Variants in UNC5D observed in about 807,000 individuals in gnomAD.
UNC5D encodes netrin receptor UNC5D.
In UNC5D, 39 loss-of-function variants were observed where a neutral mutation model predicts 105.4. The observed-to-expected ratio is 0.37, with a 90% confidence interval of 0.29 to 0.48. The LOEUF is 0.48. Among genes scored for constraint, UNC5D ranks in the 20% least tolerant of loss-of-function variants. UNC5D has a pLI of 0.98. For missense variants in UNC5D, 991 were observed against 1,202.4 expected (o/e 0.82, Z 2.60); for synonymous variants, 452 against 450.4 (o/e 1.00, Z -0.04).
chr8:35,726,457 C>G lies in UNC5D; in HGVS notation c.1609C>G (p.Pro537Ala). The stretch of plus-strand genomic sequence containing the variant: ...CTACATCCAAAATCTGTCATCACTC[C>G]CCACAAGGACAGAACTGAGGACAAC... ...MPYIQNLSSL[P>A]TRTELRTTGV... Residue 537 changes from proline to alanine, a missense_variant, in exon 10 of 17, where the codon CCC becomes GCC. Pro to Ala is a conservative substitution (Grantham distance 27, BLOSUM62 -1). This residue lies in a region of UNC5D where 944 missense variants were observed against 1,131.6 expected (regional missense o/e 0.83). Coordinates refer to ENST00000404895, the MANE Select transcript of UNC5D (RefSeq NM_080872.4). 1 of 1,614,088 alleles carries G rather than the reference C, an allele frequency of 6.2e-7. No homozygotes were observed.
At chr8:35,319,118 TC>T (rs957979622) in intron 1 of UNC5D, among the ~76,000 whole-genome samples, 31 of 152,236 alleles carry the variant, frequency 2.0e-4, no homozygotes, top group African/African-American at 7.5e-4. Context: ...TGACAAGGCA[TC>T]TTTGAACTCA....
intron 1 of UNC5D, among the ~76,000 whole-genome samples, chr8:35,359,621 T>G (rs1801750439): frequency 6.6e-6 from 1 of 152,220 alleles, no homozygotes; most frequent in Non-Finnish European, 1.5e-5. Flanking sequence ...GAAATAAGGT[T>G]TCTCCTTTCT....
At position 35,357,247 on chromosome 8, in the gene UNC5D, C is replaced by T. The variant is rs968187136; in HGVS notation, c.103+121360C>T. Reference sequence around the variant, plus strand: ...CCTTTAATTAATGGCTTTGTTACCACGAGAAAAAAGTCAAATACCTGACAA... The same window carrying T: ...CCTTTAATTAATGGCTTTGTTACCATGAGAAAAAAGTCAAATACCTGACAA... On this transcript the variant is annotated intron_variant, in intron 1 of 16. Transcript: ENST00000404895. Among the ~76,000 whole-genome samples, 9 of 152,194 alleles carry T rather than the reference C, an allele frequency of 5.9e-5. No homozygotes were observed. The East Asian group carries it at 7.7e-4, about 13-fold the overall frequency.
intron 2 of UNC5D, among the ~76,000 whole-genome samples, chr8:35,555,106 G>C (rs1160746533): frequency 2.0e-5 from 3 of 152,110 alleles, no homozygotes; most frequent in Non-Finnish European, 4.4e-5. Flanking sequence ...AGTACATTTG[G>C]GAAGCATATA....
chr8:35,513,285 A>G (rs527847328), intron 1 of UNC5D, among the ~76,000 whole-genome samples: 13 of 147,406 alleles, frequency 8.8e-5, no homozygotes, highest in Non-Finnish European at 1.6e-4. Context: ...CTGAAGTGCA[A>G]TGGTGCAGTC....
intron 1 of UNC5D, among the ~76,000 whole-genome samples, chr8:35,538,392 T>G: frequency 1.2e-5 from 1 of 83,012 alleles, no homozygotes; most frequent in African/African-American, 5.0e-5. Context: ...TAAAAAAAAA[T>G]AATTATATAT....
chr8:35,713,709 G>T lies in UNC5D; in HGVS notation c.1117+7748G>T, dbSNP rs191227306. ...ATATTTTATAAAATAGACGACCTTT[G>T]TTGCCAACCTTGGAAGGATGGTTGG... On this transcript the variant is annotated intron_variant, in intron 8 of 16. Coordinates refer to ENST00000404895, the MANE Select transcript of UNC5D (RefSeq NM_080872.4). 3.5e-3 allele frequency among the ~76,000 whole-genome samples: 528 copies of T among 152,292 alleles called. 3 individuals are homozygous for T. The highest frequency in any genetic ancestry group is 0.012 in the African/African-American group (495 of 41,554).
rs1436970100 is a variant in UNC5D, at chr8:35,750,593, A to C, written c.1947A>C (p.Ser649=). Residue 649 remains serine, a synonymous_variant, in exon 13 of 17, where the codon TCA becomes TCC. Transcript: ENST00000404895. ...TQQGKWEEVM[S]VEDESTSCYC... is the part of the protein sequence containing the mutation. ...ACCTTTCCCAACAGGAAGTGATGTC[A>C]GTGGAAGATGAATCTACATCCTGTT... 3 of 1,614,016 alleles carry C rather than the reference A, an allele frequency of 1.9e-6. No individual in the cohort carries two copies. The African/African-American group carries it at 4.0e-5, about 22-fold the overall frequency.
intron 1 of UNC5D, among the ~76,000 whole-genome samples, chr8:35,356,328 G>T (rs1801549742): frequency 6.6e-6 from 1 of 152,024 alleles, no homozygotes; most frequent in Non-Finnish European, 1.5e-5. Context: ...TACTACTACA[G>T]TACTCCCTCC....
In UNC5D at chr8:35,622,065, C is replaced by T. The variant is rs575424641; in HGVS notation, c.570+26408C>T. The stretch of plus-strand genomic sequence containing the variant: ...GCCCCTTAAAATCCTGAGAGGGGGC[C>T]GGGCGCGGTGGCTCACACCTGTAAT... On this transcript the variant is annotated intron_variant, in intron 4 of 16. Transcript: ENST00000404895. Among the ~76,000 whole-genome samples, 28 of 152,242 alleles carry T rather than the reference C, an allele frequency of 1.8e-4. No homozygotes were observed. The South Asian group carries it at 5.4e-3, about 29-fold the overall frequency.
chr8:35,364,377 T>C (rs974240556), intron 1 of UNC5D, among the ~76,000 whole-genome samples: 1 of 152,184 alleles, frequency 6.6e-6, no homozygotes, highest in African/African-American at 2.4e-5. Flanking sequence ...ATGAGGCCCC[T>C]GGAATGAGCT....
Position 35,431,831 on chromosome 8 carries a change from T to G in UNC5D, c.104-117461T>G, listed in dbSNP as rs1203587704. On this transcript the variant is annotated intron_variant, in intron 1 of 16. Transcript: ENST00000404895. ...TCCAAACCTAATACAGTGTAATATT[T>G]AAAAGTAATTTATGAATTCGGATTT... Among the ~76,000 whole-genome samples the G allele has an allele frequency of 1.8e-4, 27 of 152,278 alleles. 1 individual carries two copies. Among genetic ancestry groups the G allele is most frequent in the Admixed American group, 1.8e-3 (27 of 15,292 alleles).
At chr8:35,327,411 T>C (rs1369452892) in intron 1 of UNC5D, among the ~76,000 whole-genome samples, 4 of 152,170 alleles carry the variant, frequency 2.6e-5, no homozygotes, top group Non-Finnish European at 4.4e-5. Flanking sequence ...TGCATACCAC[T>C]GGTGTCAATT....
intron 1 of UNC5D, among the ~76,000 whole-genome samples, chr8:35,322,801 G>A (rs933822714): frequency 2.0e-5 from 3 of 152,070 alleles, no homozygotes; most frequent in Non-Finnish European, 4.4e-5. Context: ...TTTCTTAAGC[G>A]ATCTTTCTAA....
intron 3 of UNC5D, among the ~76,000 whole-genome samples, chr8:35,572,997 G>T (rs987954910): frequency 6.6e-6 from 1 of 152,026 alleles, no homozygotes; most frequent in Non-Finnish European, 1.5e-5. Context: ...TAGAGACGGG[G>T]TTTCACCGTG....
chr8:35,527,899 A>G (rs1813998951), intron 1 of UNC5D, among the ~76,000 whole-genome samples: 1 of 152,100 alleles, frequency 6.6e-6, no homozygotes, highest in African/African-American at 2.4e-5. Flanking sequence ...TAATTAATTT[A>G]TAAGGGCCCC....
At chr8:35,635,117 G>A (rs528575307) in intron 4 of UNC5D, among the ~76,000 whole-genome samples, 2 of 152,252 alleles carry the variant, frequency 1.3e-5, no homozygotes, top group Admixed American at 6.5e-5. Flanking sequence ...TTGGAAGAGT[G>A]CACTATTTTT....
At chr8:35,658,573 T>A (rs1216462220) in intron 4 of UNC5D, among the ~76,000 whole-genome samples, 1 of 150,560 alleles carries the variant, frequency 6.6e-6, no homozygotes, top group African/African-American at 2.4e-5. Context: ...TGATAAAAAA[T>A]CAAGAATAGC....
At chr8:35,418,369 T>A (rs971937594) in intron 1 of UNC5D, among the ~76,000 whole-genome samples, 1 of 152,170 alleles carries the variant, frequency 6.6e-6, no homozygotes, top group Non-Finnish European at 1.5e-5. Flanking sequence ...TAGTTCCATC[T>A]GCGAGTGCCA....
Sources: gnomAD v4.1 joint callset for allele counts (sites outside exome capture counted in the v4.1 genomes callset) on GRCh38, gnomAD v4.1.1 for gene constraint, gnomAD v4.1.1 regional missense constraint, MANE v1.5 for transcripts, NCBI Gene and HGNC (gene_info 2026-07-23, HGNC 2026-07-21) for gene names.